Variants in ZBTB46 observed in about 807,000 individuals in gnomAD.
ZBTB46 encodes zinc finger and BTB domain containing 46.
In ZBTB46, 8 loss-of-function variants were observed where a neutral mutation model predicts 44.1. The ratio of observed to expected loss-of-function variants is 0.18; its 90% CI spans 0.11 to 0.33. The LOEUF is 0.33. Ranked by LOEUF, ZBTB46 falls within the 10% of genes least tolerant of loss-of-function variation. The pLI is 1.00. For synonymous variants in ZBTB46, 409 were observed against 382.3 expected, an observed-to-expected ratio of 1.07 and a Z score of -0.81; for missense variants, 651 against 847.7, an observed-to-expected ratio of 0.77 and a Z score of 2.88.
In ZBTB46 at chr20:63,787,082, C is replaced by A. The variant is rs2092522402; in HGVS notation, c.937+2739G>T. ...CATTTACCCGCAGGTGGGGTAGAGG[C>A]AAGAGGAAGGTACTGTATGACGGAT... On this transcript the variant is annotated intron_variant, in intron 2 of 4. Transcript: ENST00000245663. This position sits in a 1 kb window ranked among gnomAD's most constrained non-coding sequence, Gnocchi z 4.6. Among the ~76,000 whole-genome samples, 1 of 152,082 alleles carries A rather than the reference C, an allele frequency of 6.6e-6. No homozygotes were observed. Among genetic ancestry groups the A allele is most frequent in the Non-Finnish European group, 1.5e-5 (1 of 68,026 alleles).
chr20:63,814,155 C>T (rs1487886536), intron 1 of ZBTB46, among the ~76,000 whole-genome samples: 3 of 151,212 alleles, frequency 2.0e-5, no homozygotes, highest in Non-Finnish European at 4.4e-5. Context: ...ATGGCATGAA[C>T]CCGGGAGGCA....
chr20:63,777,601 C>T (rs1251924504), intron 2 of ZBTB46, among the ~76,000 whole-genome samples: 1 of 152,192 alleles, frequency 6.6e-6, no homozygotes, highest in Non-Finnish European at 1.5e-5. Context: ...ACATCAGGTA[C>T]AGGAATCACC....
intron 1 of ZBTB46, among the ~76,000 whole-genome samples, chr20:63,823,680 A>C (rs796403328): frequency 8.5e-5 from 13 of 152,240 alleles, no homozygotes; most frequent in African/African-American, 2.9e-4. Context: ...CCTGGGCAAC[A>C]GAACGAGGCC....
chr20:63,768,762 C>A (rs908344686), intron 3 of ZBTB46, among the ~76,000 whole-genome samples: 5 of 152,050 alleles, frequency 3.3e-5, no homozygotes, highest in Non-Finnish European at 7.4e-5. Flanking sequence ...GCGGCTCGGG[C>A]TGGGGCAGTG....
At chr20:63,749,304 A>C (rs1467757228) in intron 4 of ZBTB46, among the ~76,000 whole-genome samples, 1 of 151,926 alleles carries the variant, frequency 6.6e-6, no homozygotes, top group Non-Finnish European at 1.5e-5. Context: ...TTGGTGCCAG[A>C]ACTGCTCCTT....
chr20:63,815,307 T>G (rs1292439694), intron 1 of ZBTB46: 7 of 243,734 alleles, frequency 2.9e-5, no homozygotes, highest in African/African-American at 1.7e-4. Flanking sequence ...AAAGGTGCAG[T>G]GGGTGCAGAT....
chr20:63,805,959 C>T (rs541458939), intron 1 of ZBTB46, among the ~76,000 whole-genome samples: 56 of 151,720 alleles, frequency 3.7e-4, no homozygotes, highest in African/African-American at 1.2e-3. Context: ...ATTTTTAGTA[C>T]AGACAGGGTT....
At chr20:63,819,818 C>A (rs565430729) in intron 1 of ZBTB46, among the ~76,000 whole-genome samples, 1 of 152,180 alleles carries the variant, frequency 6.6e-6, no homozygotes. Context: ...CACTGACAGC[C>A]GCTTTGTCAG....
intron 4 of ZBTB46, among the ~76,000 whole-genome samples, chr20:63,750,133 C>G (rs1286607828): frequency 6.6e-6 from 1 of 152,184 alleles, no homozygotes; most frequent in Non-Finnish European, 1.5e-5. Flanking sequence ...GAGGCTGGAC[C>G]GGCTAGAGCT....
intron 2 of ZBTB46, among the ~76,000 whole-genome samples, chr20:63,785,241 A>AG (rs1284929890): frequency 0.016 from 656 of 42,292 alleles, 6 homozygotes; most frequent in African/African-American, 0.046. Flanking sequence ...AAAAAAAAAG[A>AG]AAAGAAAAGA....
chr20:63,814,734 C>T (rs778210687), intron 1 of ZBTB46, among the ~76,000 whole-genome samples: 2 of 152,188 alleles, frequency 1.3e-5, no homozygotes, highest in Admixed American at 6.5e-5. Flanking sequence ...TTAGAATGCT[C>T]GATACTCACC....
At chr20:63,827,506 G>A (rs959201518) in intron 1 of ZBTB46, among the ~76,000 whole-genome samples, 11 of 151,660 alleles carry the variant, frequency 7.3e-5, no homozygotes, top group African/African-American at 2.4e-4. Context: ...TACTCGGGAG[G>A]CTGAGGCAGG....
chr20:63,753,639 T>C (rs1343188759), intron 3 of ZBTB46, among the ~76,000 whole-genome samples: 1 of 152,342 alleles, frequency 6.6e-6, no homozygotes, highest in East Asian at 1.9e-4. Context: ...GAGACCCACC[T>C]GAAGCCCGGT....
At chr20:63,772,775 G>A (rs909837663) in intron 3 of ZBTB46, among the ~76,000 whole-genome samples, 6 of 148,566 alleles carry the variant, frequency 4.0e-5, no homozygotes, top group African/African-American at 5.0e-5. Flanking sequence ...ACAGAAGTGC[G>A]GGGTGTGCCC....
intron 3 of ZBTB46, among the ~76,000 whole-genome samples, chr20:63,756,553 C>A (rs1165305654): frequency 1.3e-5 from 2 of 152,202 alleles, no homozygotes; most frequent in African/African-American, 4.8e-5. Flanking sequence ...TGTGATCTGT[C>A]CAGATTATTT....
intron 3 of ZBTB46, among the ~76,000 whole-genome samples, chr20:63,757,812 C>T (rs1465237259): frequency 6.6e-6 from 1 of 151,310 alleles, no homozygotes; most frequent in Non-Finnish European, 1.5e-5. Flanking sequence ...CCATCCAGAG[C>T]TCACACTCCC....
At chr20:63,822,264 C>T (rs1020329729) in intron 1 of ZBTB46, among the ~76,000 whole-genome samples, 3 of 152,200 alleles carry the variant, frequency 2.0e-5, no homozygotes, top group South Asian at 2.1e-4. Context: ...CGGGAATAAA[C>T]GACGGGACAC....
rs114937472 is a variant in ZBTB46, at chr20:63,829,670, G to T, written c.-34+1427C>A. Among the ~76,000 whole-genome samples, 1,003 of 152,292 alleles carry T rather than the reference G, an allele frequency of 6.6e-3. 5 individuals carry two copies. The highest frequency in any genetic ancestry group is 0.023 in the African/African-American group (940 of 41,540). ...CAGTTGGAAACACGTAAAACACACCGAGCAGAAAGGTTCTACTCTGATAAA... is the reference window on the plus strand; with the variant it reads ...CAGTTGGAAACACGTAAAACACACCTAGCAGAAAGGTTCTACTCTGATAAA... On this transcript the variant is annotated intron_variant, in intron 1 of 4. Transcript: ENST00000245663.
intron 2 of ZBTB46, among the ~76,000 whole-genome samples, chr20:63,778,840 T>C (rs1456269289): frequency 6.6e-6 from 1 of 152,252 alleles, no homozygotes; most frequent in African/African-American, 2.4e-5. Context: ...TAAGGCTTTG[T>C]CTTAGCTTGG....
Sources: allele counts gnomAD v4.1 joint callset (sites outside exome capture counted in the v4.1 genomes callset), GRCh38; gene constraint gnomAD v4.1.1; non-coding constraint Gnocchi (gnomAD v3.1); transcripts MANE v1.5; gene names NCBI Gene and HGNC (gene_info 2026-07-23, HGNC 2026-07-21).